Variants in POC1A observed in about 807,000 individuals in gnomAD.
POC1A encodes POC1 centriolar protein A.
Under a neutral mutation model 47.8 loss-of-function variants are expected in POC1A, and 34 were observed. That is an observed-to-expected ratio of 0.71 (90% CI 0.54 to 0.95). The LOEUF (loss-of-function observed/expected upper bound fraction) is 0.95. Ranked by LOEUF, POC1A falls within the 40% of genes least tolerant of loss-of-function variation. The probability of loss-of-function intolerance (pLI) is 0.00; values close to 1 mark genes in which losing one functional copy is unlikely to be tolerated. For missense variants in POC1A, 466 were observed against 528.3 expected (o/e 0.88, Z 1.16); for synonymous variants, 177 against 207.6 (o/e 0.85, Z 1.27).
intron 7 of POC1A, among the ~76,000 whole-genome samples, chr3:52,132,862 T>G (rs1349613020): frequency 6.6e-6 from 1 of 151,952 alleles, no homozygotes; most frequent in African/African-American, 2.4e-5. Context: ...CTGGCCAACA[T>G]GGTGAAACCC....
intron 10 of POC1A, among the ~76,000 whole-genome samples, chr3:52,095,164 G>A (rs1348251092): frequency 1.3e-5 from 2 of 152,164 alleles, no homozygotes; most frequent in African/African-American, 4.8e-5. Flanking sequence ...TTGCTGACGG[G>A]TTTGAAGTGG....
chr3:52,078,601 C>T (rs1559805134), intron 10 of POC1A, among the ~76,000 whole-genome samples: 3 of 151,068 alleles, frequency 2.0e-5, no homozygotes, highest in Admixed American at 1.3e-4. Flanking sequence ...AGCTCCGCCT[C>T]CCGGGTTCAT....
intron 7 of POC1A, among the ~76,000 whole-genome samples, chr3:52,126,313 C>T (rs899098293): frequency 1.4e-4 from 22 of 152,162 alleles, no homozygotes; most frequent in African/African-American, 4.1e-4. Context: ...AAAGGGACCT[C>T]GAGGCCATGG....
chr3:52,077,231 C>T (rs1702144216), intron 10 of POC1A, among the ~76,000 whole-genome samples: 1 of 152,272 alleles, frequency 6.6e-6, no homozygotes, highest in South Asian at 2.1e-4. Flanking sequence ...TCAGATTAAC[C>T]TCACCCGTGT....
chr3:52,107,897 C>A (rs988483412), intron 9 of POC1A, among the ~76,000 whole-genome samples: 7 of 152,154 alleles, frequency 4.6e-5, no homozygotes, highest in Non-Finnish European at 1.0e-4. Flanking sequence ...TTGAACTTTA[C>A]CAGTTTTTCT....
Position 52,145,873 on chromosome 3 carries a change from T to A in POC1A, c.652A>T (p.Thr218Ser). 6.2e-7 allele frequency: 1 copy of A among 1,613,508 alleles called. No individual in the cohort carries two copies. Among genetic ancestry groups the A allele is most frequent in the Non-Finnish European group, 8.5e-7 (1 of 1,179,684 alleles). ...DNTVKVWDVR[T>S]HRLLQHYQLH... ...TGATAATGCTGCAGCAGCCGGTGAG[T>A]CCGCACGTCCCACACCTTCACTGTG... The change falls in exon 6 of 11, where the codon ACT becomes TCT. Residue 218 changes from threonine to serine, a missense_variant. By Grantham distance (58) the Thr-to-Ser change is moderately conservative. Transcript: ENST00000296484.
At chr3:52,095,507 A>C (rs574921370) in intron 10 of POC1A, among the ~76,000 whole-genome samples, 2 of 151,588 alleles carry the variant, frequency 1.3e-5, no homozygotes, top group East Asian at 1.9e-4. Flanking sequence ...ACTGGAGACC[A>C]CTCTTCCTTG....
At chr3:52,138,380 C>A in intron 6 of POC1A, 78 bp from the exon 7 acceptor site, 2 of 1,467,746 alleles carry the variant, frequency 1.4e-6, no homozygotes, top group East Asian at 2.5e-5. Context: ...GCAATCAGGG[C>A]CAATCGAGGC....
chr3:52,079,104 T>G lies in POC1A; in HGVS notation c.1126-3119A>C, dbSNP rs1702205910. ...AGAAGGGGTGTGTGGGGAGTACCCCTGGCACAGACTGGTTTGGAGCCATAT... is the reference window on the plus strand; with the variant it reads ...AGAAGGGGTGTGTGGGGAGTACCCCGGGCACAGACTGGTTTGGAGCCATAT... On this transcript the variant is annotated intron_variant, in intron 10 of 10. Transcript: ENST00000296484. The surrounding 1 kb of genome is among the most constrained non-coding windows in gnomAD (Gnocchi z 4.6). 6.6e-6 allele frequency among the ~76,000 whole-genome samples: 1 copy of G among 152,242 alleles called. No individual in the cohort carries two copies. Among genetic ancestry groups the G allele is most frequent in the African/African-American group, 2.4e-5 (1 of 41,472 alleles).
rs1702400830 is a variant in POC1A, at chr3:52,084,633, T to G, written c.1126-8648A>C. Among the ~76,000 whole-genome samples the G allele has an allele frequency of 6.6e-6, 1 of 152,190 alleles. No individual in the cohort carries two copies. ...TAAAAATACTTCTCCAAGTGCAGGC[T>G]TCACTCGAGGCTTCCCCAGTCCATC... is the stretch of plus-strand genomic sequence containing the variant. On this transcript the variant is annotated intron_variant, in intron 10 of 10. Coordinates refer to ENST00000296484, the MANE Select transcript of POC1A (RefSeq NM_015426.5). The surrounding 1 kb of genome is among the most constrained non-coding windows in gnomAD (Gnocchi z 4.3).
intron 6 of POC1A, among the ~76,000 whole-genome samples, chr3:52,138,873 G>A (rs111789665): frequency 0.031 from 4,720 of 152,154 alleles, 289 homozygotes; most frequent in African/African-American, 0.11. Flanking sequence ...TCACTCTGTC[G>A]CCCAGACTGG....
At chr3:52,108,703 C>T (rs932170983) in intron 9 of POC1A, among the ~76,000 whole-genome samples, 3 of 152,178 alleles carry the variant, frequency 2.0e-5, no homozygotes, top group Admixed American at 6.5e-5. Flanking sequence ...CTCAGAACCA[C>T]CAGAGCAGAT....
rs182152648 is a variant in POC1A, at chr3:52,085,127, C to A, written c.1126-9142G>T. ...ACACACAGGACCATGCTGTCCCAGG[C>A]CCCCCTGGCGGCCACACTGGGTTAG... On this transcript the variant is annotated intron_variant, in intron 10 of 10. Transcript: ENST00000296484. Among the ~76,000 whole-genome samples, 215 of 152,260 alleles carry A rather than the reference C, an allele frequency of 1.4e-3. 1 individual carries two copies. Among genetic ancestry groups the A allele is most frequent in the Middle Eastern group, 3.4e-3 (1 of 294 alleles).
chr3:52,120,549 A>G (rs1447839179), intron 9 of POC1A, among the ~76,000 whole-genome samples: 2 of 152,226 alleles, frequency 1.3e-5, no homozygotes, highest in African/African-American at 2.4e-5. Context: ...TTCAGGTACT[A>G]TGTGGAAATG....
intron 10 of POC1A, among the ~76,000 whole-genome samples, chr3:52,080,651 G>C (rs941081760): frequency 6.6e-6 from 1 of 152,234 alleles, no homozygotes; most frequent in Admixed American, 6.5e-5. Flanking sequence ...AAAGGACATA[G>C]TGACAAGAAC....
chr3:52,149,082 G>A (rs1383028530), intron 4 of POC1A, 128 bp downstream of exon 4: 3 of 695,250 alleles, frequency 4.3e-6, no homozygotes, highest in Non-Finnish European at 7.4e-6. Context: ...TAAGGAAACC[G>A]AGGCTGAGGA....
At chr3:52,113,540 T>C (rs1349283431) in intron 9 of POC1A, among the ~76,000 whole-genome samples, 1 of 152,154 alleles carries the variant, frequency 6.6e-6, no homozygotes, top group Non-Finnish European at 1.5e-5. Flanking sequence ...CTGTCTCTAC[T>C]AAAAATACAA....
At chr3:52,100,585 A>G (rs1702964182) in intron 9 of POC1A, among the ~76,000 whole-genome samples, 1 of 152,216 alleles carries the variant, frequency 6.6e-6, no homozygotes, top group Non-Finnish European at 1.5e-5. Flanking sequence ...AAGCATGAGG[A>G]GAAGAGACGC....
At chr3:52,125,715 A>T (rs1703972154) in intron 7 of POC1A, among the ~76,000 whole-genome samples, 2 of 152,136 alleles carry the variant, frequency 1.3e-5, no homozygotes, top group South Asian at 4.1e-4. Context: ...GGAGGTTTCC[A>T]AAGGTGCTTG....
Sources: gnomAD v4.1 joint callset for allele counts (sites outside exome capture counted in the v4.1 genomes callset) on GRCh38, gnomAD v4.1.1 for gene constraint, Gnocchi (gnomAD v3.1) non-coding constraint, MANE v1.5 for transcripts, NCBI Gene and HGNC (gene_info 2026-07-23, HGNC 2026-07-21) for gene names.